TNNI3K: variants seen among roughly 807,000 people sequenced by gnomAD.
TNNI3K encodes the protein serine/threonine-protein kinase TNNI3K.
In TNNI3K, 140 loss-of-function variants were observed where a neutral mutation model predicts 114.5. The observed-to-expected ratio is 1.22, with a 90% CI of 1.07 to 1.41. TNNI3K has a LOEUF of 1.41. TNNI3K is among the 40% of genes most tolerant of loss of function. TNNI3K has a pLI of 0.00. For synonymous variants in TNNI3K, 347 were observed against 347.5 expected (o/e 1.00, Z 0.02); for missense variants, 1,125 against 1,007.6 (o/e 1.12, Z -1.58).
chr1:74,258,125 T>G (rs187734815), intron 4 of TNNI3K, among the ~76,000 whole-genome samples: 20 of 152,288 alleles, frequency 1.3e-4, no homozygotes, highest in Admixed American at 5.9e-4. Flanking sequence ...CCCCCCGTAC[T>G]ACATGACCTC....
intron 5 of TNNI3K, among the ~76,000 whole-genome samples, chr1:74,288,037 G>A (rs1657441505): frequency 6.6e-6 from 1 of 152,022 alleles, no homozygotes. Context: ...ACTACAATGA[G>A]ATATTACCCC....
chr1:74,431,497 A>G (rs957385283), intron 17 of TNNI3K, among the ~76,000 whole-genome samples: 4 of 152,120 alleles, frequency 2.6e-5, no homozygotes, highest in Non-Finnish European at 4.4e-5. Context: ...CATACACTGC[A>G]ATTTCTAGCA....
At chr1:74,279,464 C>T (rs1348427524) in intron 5 of TNNI3K, among the ~76,000 whole-genome samples, 1 of 152,144 alleles carries the variant, frequency 6.6e-6, no homozygotes, top group Non-Finnish European at 1.5e-5. Flanking sequence ...CTACCTCAGA[C>T]CTGCCTATAA....
At chr1:74,392,623 C>T (rs1044888322) in intron 17 of TNNI3K, among the ~76,000 whole-genome samples, 2 of 152,136 alleles carry the variant, frequency 1.3e-5, no homozygotes, top group African/African-American at 4.8e-5. Flanking sequence ...GGATAATCCT[C>T]CATTTCATGT....
chr1:74,397,595 C>G (rs1266747493), intron 17 of TNNI3K, among the ~76,000 whole-genome samples: 7 of 152,116 alleles, frequency 4.6e-5, no homozygotes, highest in African/African-American at 1.4e-4. Context: ...TGAATTCAGC[C>G]AGTTTCTTAT....
At chr1:74,280,845 G>A (rs993508239) in intron 5 of TNNI3K, among the ~76,000 whole-genome samples, 2 of 152,038 alleles carry the variant, frequency 1.3e-5, no homozygotes, top group African/African-American at 2.4e-5. Context: ...CACCAGCGGT[G>A]GTGACCAAGG....
rs576283984 is a variant in TNNI3K at position 74,387,322 on chromosome 1, C to G, written c.1772+16930C>G. ...AAAAAGCAATTAAAAAAGAAACAAGCGAATACATTTAAAAATTCATATTTT... is the reference window on the plus strand; with the variant it reads ...AAAAAGCAATTAAAAAAGAAACAAGGGAATACATTTAAAAATTCATATTTT... On this transcript the variant is annotated intron_variant, in intron 17 of 24. Transcript: ENST00000326637. Among the ~76,000 whole-genome samples the G allele has an allele frequency of 7.2e-5, 11 of 152,188 alleles. 1 individual carries two copies. The highest frequency in any genetic ancestry group is 1.3e-4 in the Admixed American group (2 of 15,282).
intron 23 of TNNI3K, among the ~76,000 whole-genome samples, chr1:74,515,675 C>A (rs140561064): frequency 6.6e-6 from 1 of 152,140 alleles, no homozygotes; most frequent in East Asian, 1.9e-4. Flanking sequence ...TTGAGGTGGG[C>A]AGACACAACA....
Position 74,489,232 on chromosome 1 carries a change from G to T in TNNI3K, c.2165G>T (p.Cys722Phe), listed in dbSNP as rs1308688932. 6.2e-7 allele frequency: 1 copy of T among 1,612,002 alleles called. No individual in the cohort carries two copies. The highest frequency in any genetic ancestry group is 1.7e-5 in the Admixed American group (1 of 59,702). Residue 722 changes from cysteine to phenylalanine, a missense_variant, in exon 22 of 25, where the codon TGT becomes TTT. Coordinates refer to ENST00000326637, the MANE Select transcript of TNNI3K (RefSeq NM_015978.3). ...FSEVVMKLEE[C>F]LCNIELMSPA... ...GAAGTTGTCATGAAGTTAGAAGAGT[G>T]TCTCTGCAACATTGAGGTAAAAGCT...
chr1:74,467,045 G>A (rs1667709499), intron 21 of TNNI3K, among the ~76,000 whole-genome samples: 2 of 152,210 alleles, frequency 1.3e-5, no homozygotes, highest in Non-Finnish European at 2.9e-5. Context: ...ACAGAATGCA[G>A]GTTAGTGAAG....
chr1:74,468,213 A>C (rs894428095), intron 21 of TNNI3K: 1 of 152,082 alleles, frequency 6.6e-6, no homozygotes, highest in Non-Finnish European at 1.5e-5. Flanking sequence ...GTGAGAGCAG[A>C]GAGAACAAAG....
Position 74,370,536 on chromosome 1 carries a change from A to G in TNNI3K, c.1772+144A>G, listed in dbSNP as rs1570535506. The G allele has an allele frequency of 5.4e-6, 3 of 559,544 alleles. No individual in the cohort carries two copies. The East Asian group carries it at 9.9e-5, about 19-fold the overall frequency. The allele number at this position is 559,544 out of a possible 1,614,324, so 34.7% of individuals were successfully genotyped here. A position where few individuals can be genotyped will look rare whatever the true frequency, so the allele number is the denominator to read the frequency against. On this transcript the variant is annotated intron_variant, in intron 17 of 24. Transcript: ENST00000326637. ...ACAGGCTACCATAAGCTTAGGCGAT[A>G]GAAAGTTTTGTCATTGTCTTTTAAG...
At chr1:74,533,070 C>T (rs1186948903) in intron 23 of TNNI3K, among the ~76,000 whole-genome samples, 3 of 152,140 alleles carry the variant, frequency 2.0e-5, no homozygotes, top group Admixed American at 6.5e-5. Flanking sequence ...CAAATGGGAT[C>T]TAATTAAACT....
intron 17 of TNNI3K, among the ~76,000 whole-genome samples, chr1:74,415,570 T>A (rs938434765): frequency 2.6e-5 from 4 of 152,124 alleles, no homozygotes; most frequent in South Asian, 4.1e-4. Flanking sequence ...AATCTTTGTC[T>A]TTTAATATTT....
At chr1:74,472,928 A>G (rs950492538) in intron 21 of TNNI3K, among the ~76,000 whole-genome samples, 1 of 151,988 alleles carries the variant, frequency 6.6e-6, no homozygotes, top group Non-Finnish European at 1.5e-5. Flanking sequence ...ACAATCTTTC[A>G]TTTACTAAAG....
rs117712834 is a variant in TNNI3K at position 74,292,973 on chromosome 1, A to T, written c.444+21265A>T. 4.9e-4 allele frequency among the ~76,000 whole-genome samples: 74 copies of T among 151,732 alleles called. No individual in the cohort carries two copies. In the East Asian group the frequency reaches 0.012, roughly 25 times the overall value. On this transcript the variant is annotated intron_variant, in intron 5 of 24. Transcript: ENST00000326637. ...TCTCTAGCAATGGTTTACTTTACCC[A>T]TGAAGTCCAATTTTTCCCTTATCAA...
chr1:74,404,602 C>T (rs1664526750), intron 17 of TNNI3K, among the ~76,000 whole-genome samples: 1 of 152,104 alleles, frequency 6.6e-6, no homozygotes, highest in African/African-American at 2.4e-5. Context: ...TAGTTGGGGC[C>T]AAAATATTGT....
intron 17 of TNNI3K, among the ~76,000 whole-genome samples, chr1:74,406,871 T>C (rs1664639901): frequency 6.6e-6 from 1 of 152,186 alleles, no homozygotes. Flanking sequence ...CAAAATGACA[T>C]AAAGAACCTC....
At position 74,369,126 on chromosome 1, in the gene TNNI3K, T is replaced by C. The variant is rs1422804084; in HGVS notation, c.1414+12T>C. The C allele has an allele frequency of 1.9e-6, 3 of 1,595,536 alleles. No homozygotes were observed. The African/African-American group carries it at 4.1e-5, about 22-fold the overall frequency. ...GATTATTGGCTCAGGTAACCTAAAA[T>C]AAATAAATAAATAAAGGTCCGGTTT... On this transcript the variant is annotated intron_variant, in intron 14 of 24. Coordinates refer to ENST00000326637, the MANE Select transcript of TNNI3K (RefSeq NM_015978.3).
Sources: gnomAD v4.1 joint callset for allele counts (sites outside exome capture counted in the v4.1 genomes callset) on GRCh38, gnomAD v4.1.1 for gene constraint, MANE v1.5 for transcripts, NCBI Gene and HGNC (gene_info 2026-07-23, HGNC 2026-07-21) for gene names.